IKZF4: variants seen among roughly 807,000 people sequenced by gnomAD.
IKZF4 encodes the protein IKAROS family zinc finger 4.
Under a neutral mutation model 47.7 loss-of-function variants are expected in IKZF4, and 11 were observed. That is an observed-to-expected ratio of 0.23 (90% CI 0.15 to 0.38). IKZF4 has a LOEUF of 0.38. Among genes scored for constraint, IKZF4 ranks in the 10% least tolerant of loss-of-function variants. IKZF4 has a pLI of 1.00. For missense variants in IKZF4, 557 were observed against 784.9 expected (o/e 0.71, Z 3.47); for synonymous variants, 298 against 299.4 (o/e 1.00, Z 0.05).
At position 56,032,665 on chromosome 12, in the gene IKZF4, C is replaced by T. The variant is rs1163718909; in HGVS notation, c.820C>T (p.Leu274=). Residue 274 remains leucine (L), a synonymous_variant, in exon 6 of 8, where the codon CTA becomes TTA. Transcript: ENST00000547167. The stretch of plus-strand genomic sequence containing the variant: ...GCACAAGGAGCGGTGCCATAACTAC[C>T]TACAGAGTCTCAGCACTGAAGCCCA... The part of the protein sequence containing the change: ...EEHKERCHNY[L]QSLSTEAQAL... The T allele has an allele frequency of 1.2e-6, 2 of 1,614,044 alleles. No homozygotes were observed. Among genetic ancestry groups the T allele is most frequent in the Non-Finnish European group, 1.7e-6 (2 of 1,179,894 alleles).
intron 1 of IKZF4, among the ~76,000 whole-genome samples, chr12:56,010,796 A>G (rs953276607): frequency 2.6e-5 from 4 of 152,126 alleles, no homozygotes; most frequent in Admixed American, 6.5e-5. Context: ...TCTCAACTCC[A>G]TTTCAGCTCC....
At chr12:56,008,038 G>C (rs1280847545) in intron 1 of IKZF4, among the ~76,000 whole-genome samples, 1 of 152,200 alleles carries the variant, frequency 6.6e-6, no homozygotes, top group Non-Finnish European at 1.5e-5. Flanking sequence ...GCTCCTCCGT[G>C]GGGATGTGGC....
At chr12:56,013,775 G>A (rs757657146) in intron 2 of IKZF4, among the ~76,000 whole-genome samples, 13 of 152,150 alleles carry the variant, frequency 8.5e-5, no homozygotes, top group Non-Finnish European at 1.6e-4. Context: ...ATTTGCTCCT[G>A]GTTTGCACAG....
intron 5 of IKZF4, among the ~76,000 whole-genome samples, chr12:56,028,855 C>T (rs1055673908): frequency 4.6e-5 from 7 of 151,878 alleles, no homozygotes; most frequent in African/African-American, 9.7e-5. Flanking sequence ...GGATTACAGG[C>T]GTGGTGTCAG....
chr12:56,010,276 A>G (rs1362316488), intron 1 of IKZF4: 1 of 152,140 alleles, frequency 6.6e-6, no homozygotes, highest in Non-Finnish European at 1.5e-5. Context: ...TCTGTTCTGG[A>G]AACAGAGAGA....
At chr12:56,017,232 G>GCCCC (rs533473779), upstream of IKZF4, among the ~76,000 whole-genome samples, 3 of 84,244 alleles carry the variant, frequency 3.6e-5, no homozygotes, top group African/African-American at 1.4e-4. Context: ...CTCCCCCCCC[G>GCCCC]CCCCCCCCGT....
rs1299095751 is a variant in IKZF4, at chr12:56,033,245, T to C, written c.921T>C (p.Ser307=). The change falls in exon 7 of 8, where the codon TCT becomes TCC. Residue 307 remains serine (S), a synonymous_variant. Coordinates refer to ENST00000547167, the MANE Select transcript of IKZF4 (RefSeq NM_022465.4). The stretch of plus-strand genomic sequence containing the variant: ...CAGACTCCATGCTGCACTCATCCTC[T>C]GAGCGGCCAACTTTCATCGATCGTC... The part of the protein sequence containing the change: ...MVPDSMLHSS[S]ERPTFIDRLA... 4 of 1,613,920 alleles carry C rather than the reference T, an allele frequency of 2.5e-6. No individual in the cohort carries two copies. The highest frequency in any genetic ancestry group is 2.7e-5 in the African/African-American group (2 of 74,930).
intron 2 of IKZF4, among the ~76,000 whole-genome samples, chr12:56,011,980 T>G (rs1335877735): frequency 6.6e-6 from 1 of 152,146 alleles, no homozygotes; most frequent in Non-Finnish European, 1.5e-5. Context: ...CAGGAAGGCA[T>G]AGACAGTAGA....
upstream of IKZF4, among the ~76,000 whole-genome samples, chr12:56,016,429 T>C (rs1455837581): frequency 6.7e-6 from 1 of 149,472 alleles, no homozygotes; most frequent in Non-Finnish European, 1.5e-5. Flanking sequence ...CTTTTCTTTT[T>C]TTTTTTTTTT....
upstream of IKZF4, among the ~76,000 whole-genome samples, chr12:56,020,268 T>C (rs1261000382): frequency 6.6e-6 from 1 of 152,212 alleles, no homozygotes; most frequent in Non-Finnish European, 1.5e-5. Flanking sequence ...TCTCCCCTTT[T>C]CTCTTTTTAA....
chr12:56,027,649 T>C (rs564792723), intron 4 of IKZF4, 131 bp from the exon 5 acceptor site: 1 of 866,778 alleles, frequency 1.2e-6, no homozygotes, highest in South Asian at 1.4e-5. Context: ...TTGTGTGCAT[T>C]GCACTTCTGC....
chr12:56,013,170 C>G (rs1476120894), intron 2 of IKZF4, among the ~76,000 whole-genome samples: 3 of 152,024 alleles, frequency 2.0e-5, no homozygotes, highest in Non-Finnish European at 4.4e-5. Flanking sequence ...TGTGCCTACC[C>G]GCCATCACTG....
chr12:56,036,770 G>C lies in IKZF4; in HGVS notation c.*1439G>C, dbSNP rs1487522831. 4 of 152,210 alleles carry C rather than the reference G, an allele frequency of 2.6e-5. No homozygotes were observed. Among genetic ancestry groups the C allele is most frequent in the Non-Finnish European group, 5.9e-5 (4 of 68,026 alleles). The allele number at this position is 152,210 out of a possible 1,614,324, so 9.4% of individuals were successfully genotyped here. A position where few individuals can be genotyped will look rare whatever the true frequency, so the allele number is the denominator to read the frequency against. ...TGGCTATTTGAGTAACCTAGGATTA[G>C]TGAGAAGGGGCAGAAGGAGATACAA... is the stretch of plus-strand genomic sequence containing the variant. On this transcript the variant is annotated 3_prime_UTR_variant, in exon 8 of 8. Transcript: ENST00000547167.
Position 56,034,969 on chromosome 12 carries a change from C to G in IKZF4, c.1396C>G (p.Arg466Gly), listed in dbSNP as rs748239833. Residue 466 changes from arginine (R) to glycine (G), a missense_variant, in exon 8 of 8, where the codon CGG becomes GGG. By Grantham distance (125) the Arg-to-Gly change is moderately radical (BLOSUM62 -2). Coordinates refer to ENST00000547167, the MANE Select transcript of IKZF4 (RefSeq NM_022465.4). ...AGACACAGAAAGCAACCACGAAGATCGGGTTGCGGGGGTGGTATCCCTCCC... is the reference window on the plus strand; with the variant it reads ...AGACACAGAAAGCAACCACGAAGATGGGGTTGCGGGGGTGGTATCCCTCCC... ...STDTESNHED[R>G]VAGVVSLPQG... 31 of 1,561,296 alleles carry G rather than the reference C, an allele frequency of 2.0e-5. No individual in the cohort carries two copies. The African/African-American group carries it at 3.8e-4, about 19-fold the overall frequency.
At chr12:56,015,145 C>T (rs767970331) in intron 2 of IKZF4, among the ~76,000 whole-genome samples, 20 of 152,132 alleles carry the variant, frequency 1.3e-4, no homozygotes, top group Non-Finnish European at 2.1e-4. Flanking sequence ...GGCACGATCT[C>T]GGCTCACTGC....
Position 56,034,622 on chromosome 12 carries a change from C to G in IKZF4, c.1049C>G (p.Ser350Trp). The G allele has an allele frequency of 1.2e-6, 2 of 1,613,924 alleles. No homozygotes were observed. Among genetic ancestry groups the G allele is most frequent in the Non-Finnish European group, 1.7e-6 (2 of 1,179,838 alleles). Residue 350 changes from serine to tryptophan, a missense_variant, in exon 8 of 8, where the codon TCG becomes TGG. Physicochemically the swap from Ser to Trp is radical, Grantham distance 177. Transcript: ENST00000547167. ...TCAGACCTCCCCTATGATGTGAACT[C>G]GGGTGGCTATGAAAAGGATGTGGAG... is the stretch of plus-strand genomic sequence containing the variant. The part of the protein sequence containing the change: ...SLSDLPYDVN[S>W]GGYEKDVELV...
rs558086308 is a variant in IKZF4 at position 56,008,833 on chromosome 12, C to G, written c.-292+1099C>G. Reference sequence around the variant, plus strand: ...GGGATTACAGGCACCCGCCACCACCCCTGGCTAATTTTTTGTATTTTTAGT... The same window carrying G: ...GGGATTACAGGCACCCGCCACCACCGCTGGCTAATTTTTTGTATTTTTAGT... On this transcript the variant is annotated intron_variant, in intron 1 of 11. Coordinates refer to the IKZF4 transcript ENST00000262032. 9.2e-5 allele frequency among the ~76,000 whole-genome samples: 14 copies of G among 152,110 alleles called. No homozygotes were observed. The East Asian group carries it at 2.7e-3, about 29-fold the overall frequency.
In IKZF4 at chr12:56,027,030, G is replaced by T; in HGVS notation, c.536G>T (p.Arg179Leu). Residue 179 changes from arginine to leucine, a missense_variant, in exon 4 of 8, where the codon CGC becomes CTC. Transcript: ENST00000547167. ...CCCAACGTGCTCATGGTGCACAAGC[G>T]CAGTCACACTGGTAAGTAAGCCAGA... ...IGPNVLMVHK[R>L]SHTGERPFHC... is the part of the protein sequence containing the mutation. The T allele has an allele frequency of 6.5e-7, 1 of 1,529,070 alleles. No homozygotes were observed. 94.7% of individuals were successfully genotyped at this position (1,529,070 alleles called of 1,614,324 possible). A position where few individuals can be genotyped will look rare whatever the true frequency, so the allele number is the denominator to read the frequency against.
Position 56,035,546 on chromosome 12 carries a change from CTTT to C in IKZF4, c.*218_*220del. 3 of 474,930 alleles carry C rather than the reference CTTT, an allele frequency of 6.3e-6. No individual in the cohort carries two copies. Among genetic ancestry groups the C allele is most frequent in the Non-Finnish European group, 7.4e-6 (2 of 271,520 alleles). 29.4% of individuals were successfully genotyped at this position (474,930 alleles called of 1,614,324 possible). On this transcript the variant is annotated 3_prime_UTR_variant, in exon 8 of 8. Coordinates refer to ENST00000547167, the MANE Select transcript of IKZF4 (RefSeq NM_022465.4). The surrounding 1 kb of genome is among the most constrained non-coding windows in gnomAD (Gnocchi z 6.1). ...AACAGATCTTTTGCTTATGTTTTTC[CTTT>C]TTATCTTCTCTCATCCCAGCATACT...
Sources: allele counts gnomAD v4.1 joint callset (sites outside exome capture counted in the v4.1 genomes callset), GRCh38; gene constraint gnomAD v4.1.1; non-coding constraint Gnocchi (gnomAD v3.1); transcripts MANE v1.5; gene names NCBI Gene and HGNC (gene_info 2026-07-23, HGNC 2026-07-21).